The following FRY variants were observed in gnomAD, a reference collection of about 807,000 sequenced individuals.
FRY encodes the protein FRY microtubule binding protein.
A neutral mutation model predicts 348.4 loss-of-function variants in FRY; 128 were observed. That is an observed-to-expected ratio of 0.37 (90% confidence interval 0.32 to 0.43). FRY has a LOEUF of 0.43. FRY is among the 20% of genes least tolerant of loss of function. The probability of loss-of-function intolerance (pLI) is 1.00; values close to 1 mark genes in which losing one functional copy is unlikely to be tolerated. For missense variants in FRY, 2,736 were observed against 3,695.2 expected (o/e 0.74, Z 6.73); for synonymous variants, 1,370 against 1,374.7 (o/e 1.00, Z 0.08).
Position 32,229,414 on chromosome 13 carries a change from G to A in FRY, c.5405+760G>A, listed in dbSNP as rs575758241. ...TGTGATCTTGCTTTCTTCAGCTAATGCATCAATTAATGCAAACAATAAAAA... is the reference window on the plus strand; with the variant it reads ...TGTGATCTTGCTTTCTTCAGCTAATACATCAATTAATGCAAACAATAAAAA... On this transcript the variant is annotated intron_variant, in intron 40 of 60. Coordinates refer to ENST00000542859, the MANE Select transcript of FRY (RefSeq NM_023037.3). Among the ~76,000 whole-genome samples the A allele has an allele frequency of 3.3e-5, 5 of 152,248 alleles. No individual in the cohort carries two copies. The East Asian group carries it at 9.6e-4, about 29-fold the overall frequency.
chr13:32,121,861 T>C (rs762652084), intron 4 of FRY, among the ~76,000 whole-genome samples: 2 of 152,224 alleles, frequency 1.3e-5, no homozygotes, highest in African/African-American at 4.8e-5. Context: ...CCTAAGTCAG[T>C]GTCTAGAAGG....
At chr13:32,229,012 T>C (rs952761573) in intron 40 of FRY, among the ~76,000 whole-genome samples, 2 of 152,166 alleles carry the variant, frequency 1.3e-5, no homozygotes, top group African/African-American at 2.4e-5. Flanking sequence ...TTCTGAGACT[T>C]GGCAGAGAAC....
intron 28 of FRY, among the ~76,000 whole-genome samples, chr13:32,188,897 T>C (rs77400125): frequency 5.3e-5 from 8 of 152,158 alleles, no homozygotes. Flanking sequence ...TGCTAAAGTT[T>C]AATTTTTCAG....
chr13:32,075,186 AC>A (rs574762500), intron 1 of FRY, among the ~76,000 whole-genome samples: 68 of 152,272 alleles, frequency 4.5e-4, no homozygotes, highest in Non-Finnish European at 8.4e-4. Flanking sequence ...CCTTTTATAC[AC>A]CAAAAGTTTT....
chr13:32,179,513 G>GTGTGTGTGTGTGTGTGTC (rs1233860385), intron 22 of FRY, among the ~76,000 whole-genome samples, 162 bp from the exon 23 acceptor site: 2 of 148,512 alleles, frequency 1.3e-5, no homozygotes, highest in Non-Finnish European at 3.0e-5. Context: ...TTGTGTGTGT[G>GTGTGTGTGTGTGTGTGTC]TGTGTGTGTG....
intron 3 of FRY, among the ~76,000 whole-genome samples, chr13:32,115,632 A>G (rs1010337687): frequency 2.6e-5 from 4 of 152,162 alleles, no homozygotes; most frequent in Admixed American, 2.0e-4. Context: ...ATCAATTGTG[A>G]TAATCATCAA....
At chr13:32,262,539 A>G (rs1887711233) in intron 53 of FRY, 64 bp downstream of exon 53, 1 of 1,281,254 alleles carries the variant, frequency 7.8e-7, no homozygotes. Flanking sequence ...AAACACTTCC[A>G]ATTTTCTGAG....
At chr13:32,204,021 A>T (rs1884205114) in intron 31 of FRY, among the ~76,000 whole-genome samples, 1 of 152,180 alleles carries the variant, frequency 6.6e-6, no homozygotes, top group African/African-American at 2.4e-5. Flanking sequence ...TAGTGAGTGG[A>T]TAGTAGGTAC....
intron 1 of FRY, among the ~76,000 whole-genome samples, chr13:32,049,228 C>G (rs1176179423): frequency 6.6e-6 from 1 of 152,022 alleles, no homozygotes; most frequent in African/African-American, 2.4e-5. Flanking sequence ...AAGACTGTTA[C>G]AGAGAAGAGG....
intron 1 of FRY, among the ~76,000 whole-genome samples, chr13:32,045,994 A>G (rs1872996877): frequency 6.6e-6 from 1 of 152,220 alleles, no homozygotes; most frequent in Admixed American, 6.5e-5. Flanking sequence ...TACACACTCC[A>G]GTGATGGAAG....
Position 32,247,463 on chromosome 13 carries a change from A to G in FRY, c.6969A>G (p.Leu2323=). The part of the protein sequence containing the change: ...HRVWTSASKE[L]PGKTLDFHFD... ...TGTGGACTAGTGCTTCCAAGGAATTACCTGGGAAAACCCTGGACTTCCACT... is the reference window on the plus strand; with the variant it reads ...TGTGGACTAGTGCTTCCAAGGAATTGCCTGGGAAAACCCTGGACTTCCACT... The change falls in exon 48 of 61, where the codon TTA becomes TTG. Residue 2323 remains leucine, a synonymous_variant. Transcript: ENST00000542859. 1 of 1,613,212 alleles carries G rather than the reference A, an allele frequency of 6.2e-7. No individual in the cohort carries two copies. Among genetic ancestry groups the G allele is most frequent in the Non-Finnish European group, 8.5e-7 (1 of 1,179,156 alleles).
At chr13:32,086,910 G>C (rs983148002) in intron 2 of FRY, among the ~76,000 whole-genome samples, 12 of 152,164 alleles carry the variant, frequency 7.9e-5, no homozygotes, top group African/African-American at 2.9e-4. Context: ...TAGTAGCCTT[G>C]TTCACAAAAT....
At chr13:32,162,192 A>T (rs544374376) in intron 17 of FRY, among the ~76,000 whole-genome samples, 1 of 152,346 alleles carries the variant, frequency 6.6e-6, no homozygotes, top group South Asian at 2.1e-4. Context: ...GGCGAATAAG[A>T]TGACAAAAAA....
chr13:32,173,794 A>G (rs1190765391), intron 19 of FRY, among the ~76,000 whole-genome samples: 1 of 152,226 alleles, frequency 6.6e-6, no homozygotes, highest in Admixed American at 6.5e-5. Flanking sequence ...CTAAGAAGTG[A>G]AGAATTTTAA....
At chr13:32,179,905 T>C in intron 23 of FRY, 106 bp downstream of exon 23, 2 of 1,126,748 alleles carry the variant, frequency 1.8e-6, no homozygotes, top group Non-Finnish European at 1.3e-6. Flanking sequence ...GCCCAGAGAG[T>C]TTATAGGCTT....
At chr13:32,124,057 C>T (rs1257593774) in intron 4 of FRY, among the ~76,000 whole-genome samples, 1 of 152,182 alleles carries the variant, frequency 6.6e-6, no homozygotes, top group Non-Finnish European at 1.5e-5. Flanking sequence ...AAGCTGTTCT[C>T]AAACTCCTGA....
intron 58 of FRY, among the ~76,000 whole-genome samples, chr13:32,284,990 A>G (rs1157704895): frequency 6.6e-6 from 1 of 152,222 alleles, no homozygotes; most frequent in African/African-American, 2.4e-5. Flanking sequence ...TGTTTATGAT[A>G]AATTCTTAAC....
At chr13:32,066,908 A>T (rs1054938255) in intron 1 of FRY, among the ~76,000 whole-genome samples, 1 of 152,182 alleles carries the variant, frequency 6.6e-6, no homozygotes, top group African/African-American at 2.4e-5. Flanking sequence ...GCTCTTCTTT[A>T]TTTCATCTAG....
Position 32,113,419 on chromosome 13 carries a change from T to C in FRY, c.325-3915T>C, listed in dbSNP as rs1031648018. Among the ~76,000 whole-genome samples, 14 of 152,346 alleles carry C rather than the reference T, an allele frequency of 9.2e-5. No homozygotes were observed. The East Asian group carries it at 2.5e-3, about 27-fold the overall frequency. On this transcript the variant is annotated intron_variant, in intron 3 of 60. Transcript: ENST00000542859. ...AAATGCTTATGAAAAATCAATGTCTTAGCTGCAGCATAACAGTCTCTTTTG... is the reference window on the plus strand; with the variant it reads ...AAATGCTTATGAAAAATCAATGTCTCAGCTGCAGCATAACAGTCTCTTTTG...
Sources: gnomAD v4.1 joint callset for allele counts (sites outside exome capture counted in the v4.1 genomes callset) on GRCh38, gnomAD v4.1.1 for gene constraint, MANE v1.5 for transcripts, NCBI Gene and HGNC (gene_info 2026-07-23, HGNC 2026-07-21) for gene names.